HLF: variants seen among roughly 807,000 people sequenced by gnomAD.
HLF encodes the protein hepatic leukemia factor.
A neutral mutation model predicts 22.6 loss-of-function variants in HLF; 3 were observed. The observed-to-expected ratio is 0.13, with a 90% CI of 0.06 to 0.34. HLF has a LOEUF of 0.34. HLF is among the 10% of genes least tolerant of loss of function. HLF has a pLI of 1.00. For synonymous variants in HLF, 151 were observed against 151.8 expected (o/e 0.99, Z 0.04); for missense variants, 299 against 389.2 (o/e 0.77, Z 1.95).
intron 2 of HLF, among the ~76,000 whole-genome samples, chr17:55,276,271 G>A (rs1456457154): frequency 2.6e-5 from 4 of 152,210 alleles, no homozygotes; most frequent in African/African-American, 7.2e-5. Flanking sequence ...CTAGTTTCAA[G>A]AGACAGTGAT....
At chr17:55,309,212 G>A (rs1257613201) in intron 2 of HLF, among the ~76,000 whole-genome samples, 1 of 152,190 alleles carries the variant, frequency 6.6e-6, no homozygotes, top group Non-Finnish European at 1.5e-5. Flanking sequence ...AGGACTTGTT[G>A]GACAAATAAC....
At chr17:55,280,297 C>CG (rs1328261472) in intron 2 of HLF, among the ~76,000 whole-genome samples, 2 of 152,208 alleles carry the variant, frequency 1.3e-5, no homozygotes, top group Non-Finnish European at 2.9e-5. Flanking sequence ...AGCAGGTGAG[C>CG]ACCCTGTGTT....
intron 2 of HLF, among the ~76,000 whole-genome samples, chr17:55,269,416 A>G (rs148975820): frequency 7.7e-4 from 117 of 152,184 alleles, no homozygotes; most frequent in East Asian, 7.1e-3. Context: ...ACTATCTTCA[A>G]TTTTTTTGTA....
chr17:55,275,119 A>G (rs369626389), intron 2 of HLF, among the ~76,000 whole-genome samples: 1 of 152,202 alleles, frequency 6.6e-6, no homozygotes, highest in South Asian at 2.1e-4. Flanking sequence ...TTTTTGAGAC[A>G]GGGTCATGCT....
chr17:55,305,045 A>G (rs1311791465), intron 2 of HLF, among the ~76,000 whole-genome samples: 1 of 152,208 alleles, frequency 6.6e-6, no homozygotes, highest in Non-Finnish European at 1.5e-5. Flanking sequence ...TAATTTGCAT[A>G]CTAATAGTTT....
At chr17:55,279,826 C>T (rs1410221743) in intron 2 of HLF, among the ~76,000 whole-genome samples, 2 of 152,120 alleles carry the variant, frequency 1.3e-5, no homozygotes, top group African/African-American at 4.8e-5. Flanking sequence ...CATCTGTCCC[C>T]TTCTCCATTC....
rs1364551040 is a variant in HLF, at chr17:55,321,508, A to G, written c.*629A>G. 4.4e-6 allele frequency: 1 copy of G among 229,360 alleles called. No homozygotes were observed. Among genetic ancestry groups the G allele is most frequent in the African/African-American group, 2.2e-5 (1 of 45,164 alleles). 14.2% of individuals were successfully genotyped at this position (229,360 alleles called of 1,614,324 possible). A position where few individuals can be genotyped will look rare whatever the true frequency, so the allele number is the denominator to read the frequency against. ...TTAGATCCCATATTTACTTACTGCT[A>G]TCTACTAAGTTTCCTTTTAATTCTA... On this transcript the variant is annotated 3_prime_UTR_variant, in exon 4 of 4. Transcript: ENST00000226067.
intron 2 of HLF, among the ~76,000 whole-genome samples, chr17:55,306,944 C>A (rs1904598012): frequency 1.3e-5 from 2 of 152,124 alleles, no homozygotes; most frequent in Admixed American, 1.3e-4. Context: ...AGGGCATCTG[C>A]TGCTGTGGCC....
At chr17:55,312,658 C>G (rs1261377232) in intron 2 of HLF, among the ~76,000 whole-genome samples, 1 of 152,144 alleles carries the variant, frequency 6.6e-6, no homozygotes, top group African/African-American at 2.4e-5. Context: ...ATAAGAGGTT[C>G]ACGTCAAGAT....
chr17:55,319,737 T>C (rs1905199586), intron 3 of HLF, among the ~76,000 whole-genome samples: 1 of 152,168 alleles, frequency 6.6e-6, no homozygotes, highest in South Asian at 2.1e-4. Flanking sequence ...TTTTAATTTC[T>C]ATTTTTAATT....
chr17:55,320,106 A>G lies in HLF; in HGVS notation c.673-558A>G, dbSNP rs1047335244. ...TGCATAGTTTTTCCTCATTTTTTCT[A>G]CTGCACATAATGCTGCAGTGAACAG... On this transcript the variant is annotated intron_variant, in intron 3 of 3. Coordinates refer to ENST00000226067, the MANE Select transcript of HLF (RefSeq NM_002126.5). This position sits in a 1 kb window ranked among gnomAD's most constrained non-coding sequence, Gnocchi z 4.2. Among the ~76,000 whole-genome samples the G allele has an allele frequency of 3.3e-5, 5 of 152,220 alleles. No homozygotes were observed. The highest frequency in any genetic ancestry group is 2.1e-4 in the South Asian group (1 of 4,824).
intron 2 of HLF, among the ~76,000 whole-genome samples, chr17:55,288,596 C>T (rs1484667707): frequency 6.6e-6 from 1 of 151,944 alleles, no homozygotes; most frequent in Non-Finnish European, 1.5e-5. Context: ...AACCCCATCT[C>T]TACCAAAAAC....
intron 2 of HLF, among the ~76,000 whole-genome samples, chr17:55,275,610 G>A (rs901842864): frequency 6.6e-6 from 1 of 152,190 alleles, no homozygotes; most frequent in Non-Finnish European, 1.5e-5. Context: ...CTTTACATAA[G>A]CATTCCAGAA....
chr17:55,288,817 GGA>G (rs1329305865), intron 2 of HLF: 4 of 460,340 alleles, frequency 8.7e-6, no homozygotes, highest in Non-Finnish European at 8.6e-6. Context: ...TCAGAGAAGA[GGA>G]TTTAGATGCT....
rs57573346 is a variant in HLF, at chr17:55,320,963, G to A, written c.*84G>A. 680 of 1,057,730 alleles carry A rather than the reference G, an allele frequency of 6.4e-4. 5 individuals carry two copies. The African/African-American group carries it at 9.5e-3, about 15-fold the overall frequency. The allele number at this position is 1,057,730 out of a possible 1,614,324, so 65.5% of individuals were successfully genotyped here. A position where few individuals can be genotyped will look rare whatever the true frequency, so the allele number is the denominator to read the frequency against. The stretch of plus-strand genomic sequence containing the variant: ...GCACCACACGCAAACCAACCTTTCT[G>A]ACATCAGCACTTTACCAGAGGCATA... On this transcript the variant is annotated 3_prime_UTR_variant, in exon 4 of 4. Coordinates refer to ENST00000226067, the MANE Select transcript of HLF (RefSeq NM_002126.5). The surrounding 1 kb of genome is among the most constrained non-coding windows in gnomAD (Gnocchi z 4.2).
intron 2 of HLF, among the ~76,000 whole-genome samples, chr17:55,278,450 C>G (rs1212920065): frequency 6.6e-6 from 1 of 152,208 alleles, no homozygotes; most frequent in East Asian, 1.9e-4. Flanking sequence ...AGTCTCATCA[C>G]TGCTCTCTAA....
chr17:55,268,083 C>A lies in HLF; in HGVS notation c.448C>A (p.Pro150Thr). 3 of 1,543,118 alleles carry A rather than the reference C, an allele frequency of 1.9e-6. No individual in the cohort carries two copies. Among genetic ancestry groups the A allele is most frequent in the Non-Finnish European group, 1.7e-6 (2 of 1,144,604 alleles). ...SPNCMQSPIR[P>T]GQLLPANRNT... Reference sequence around the variant, plus strand: ...GAACTGTATGCAGAGCCCCATCAGACCAGGTAAGTGCCCTGAAGATTCTCC... The same window carrying A: ...GAACTGTATGCAGAGCCCCATCAGAACAGGTAAGTGCCCTGAAGATTCTCC... The change falls in exon 2 of 4, where the codon CCA becomes ACA. Residue 150 changes from proline to threonine, a missense_variant. Transcript: ENST00000226067.
intron 2 of HLF, among the ~76,000 whole-genome samples, chr17:55,270,956 T>C (rs745700893): frequency 1.3e-5 from 2 of 152,214 alleles, no homozygotes; most frequent in Non-Finnish European, 2.9e-5. Flanking sequence ...GTAAATCTTG[T>C]GTCTTACGCT....
chr17:55,312,851 T>G (rs1836712084), intron 2 of HLF, among the ~76,000 whole-genome samples: 1 of 152,202 alleles, frequency 6.6e-6, no homozygotes, highest in South Asian at 2.1e-4. Flanking sequence ...TACTAAAATT[T>G]TGAAAATCCA....
Sources: allele counts gnomAD v4.1 joint callset (sites outside exome capture counted in the v4.1 genomes callset), GRCh38; gene constraint gnomAD v4.1.1; non-coding constraint Gnocchi (gnomAD v3.1); transcripts MANE v1.5; gene names NCBI Gene and HGNC (gene_info 2026-07-23, HGNC 2026-07-21).